The following TPCN1 variants were observed in gnomAD, a reference collection of about 807,000 sequenced individuals.
TPCN1 encodes two pore channel protein 1.
In TPCN1, 52 loss-of-function variants were observed where a neutral mutation model predicts 108.8. The ratio of observed to expected loss-of-function variants is 0.48; its 90% CI spans 0.38 to 0.60. TPCN1 has a LOEUF of 0.60. TPCN1 is among the 20% of genes least tolerant of loss of function. The probability of loss-of-function intolerance (pLI) is 0.00; values close to 1 mark genes in which losing one functional copy is unlikely to be tolerated. For synonymous variants in TPCN1, 446 were observed against 433.7 expected (o/e 1.03, Z -0.35); for missense variants, 806 against 1,072.8 (o/e 0.75, Z 3.47).
In TPCN1 at chr12:113,285,950, C is replaced by G; in HGVS notation, c.1515C>G (p.Ser505=). ...AGLGPVEYLS[S]GWNLFDFSVT... ...TGGGCCCTGTGGAGTACTTGTCTTC[C>G]GGATGGAACTTGTGAGTGGACAGCA... is the stretch of plus-strand genomic sequence containing the variant. Residue 505 remains serine, a synonymous_variant, in exon 18 of 28, where the codon TCC becomes TCG. Transcript: ENST00000335509. 6.2e-7 allele frequency: 1 copy of G among 1,614,110 alleles called. No individual in the cohort carries two copies. The highest frequency in any genetic ancestry group is 8.5e-7 in the Non-Finnish European group (1 of 1,179,938).
chr12:113,272,523 T>G lies in TPCN1; in HGVS notation c.749-135T>G, dbSNP rs535474742. 2.3e-5 allele frequency: 19 copies of G among 812,760 alleles called. No homozygotes were observed. The African/African-American group carries it at 3.0e-4, about 13-fold the overall frequency. The allele number at this position is 812,760 out of a possible 1,614,324, so 50.3% of individuals were successfully genotyped here. On this transcript the variant is annotated intron_variant, in intron 7 of 27. Transcript: ENST00000335509. The surrounding 1 kb of genome is among the most constrained non-coding windows in gnomAD (Gnocchi z 4.1). ...AACAGAGCATGTGTTCTCAGGGTGC[T>G]GTGGTCCCCAGCAGTCCCTGCTGCT... is the stretch of plus-strand genomic sequence containing the variant.
At chr12:113,295,820 C>T (rs1315566436) in intron 27 of TPCN1, 140 bp from the exon 28 acceptor site, 12 of 895,152 alleles carry the variant, frequency 1.3e-5, no homozygotes, top group East Asian at 5.5e-5. Context: ...GGGCCTGTGA[C>T]GGGGGTTTCA....
chr12:113,293,421 C>T (rs1335143794), intron 27 of TPCN1, 72 bp downstream of exon 27: 2 of 1,418,140 alleles, frequency 1.4e-6, no homozygotes, highest in African/African-American at 1.4e-5. Flanking sequence ...GAGCTGCTCT[C>T]TGGCCCTCTG....
Position 113,272,541 on chromosome 12 carries a change from C to G in TPCN1, c.749-117C>G. On this transcript the variant is annotated intron_variant, in intron 7 of 27. Coordinates refer to ENST00000335509, the MANE Select transcript of TPCN1 (RefSeq NM_017901.6). The surrounding 1 kb of genome is among the most constrained non-coding windows in gnomAD (Gnocchi z 4.1). ...AGGGTGCTGTGGTCCCCAGCAGTCC[C>G]TGCTGCTCTTCCTGACCTGCTGCGT... 5.2e-6 allele frequency: 5 copies of G among 954,386 alleles called. No homozygotes were observed. The highest frequency in any genetic ancestry group is 8.6e-6 in the Non-Finnish European group (5 of 581,702). 59.1% of individuals were successfully genotyped at this position (954,386 alleles called of 1,614,324 possible). A position where few individuals can be genotyped will look rare whatever the true frequency, so the allele number is the denominator to read the frequency against.
At position 113,266,417 on chromosome 12, in the gene TPCN1, G is replaced by A; in HGVS notation, c.414+61G>A. On this transcript the variant is annotated intron_variant, in intron 4 of 27. Coordinates refer to ENST00000335509, the MANE Select transcript of TPCN1 (RefSeq NM_017901.6). This position sits in a 1 kb window ranked among gnomAD's most constrained non-coding sequence, Gnocchi z 4.2. Reference sequence around the variant, plus strand: ...GCCACGGCTTTCAGGGCAAGCGATGGAACTCCAAAAAGGAACATTCTGGGA... The same window carrying A: ...GCCACGGCTTTCAGGGCAAGCGATGAAACTCCAAAAAGGAACATTCTGGGA... 6.3e-7 allele frequency: 1 copy of A among 1,577,828 alleles called. No homozygotes were observed. Among genetic ancestry groups the A allele is most frequent in the Admixed American group, 1.7e-5 (1 of 57,722 alleles).
At chr12:113,223,512 A>G (rs1953348345) in intron 1 of TPCN1, among the ~76,000 whole-genome samples, 1 of 146,442 alleles carries the variant, frequency 6.8e-6, no homozygotes. Flanking sequence ...GCTAGCTCGG[A>G]GTGTTTTACT....
At chr12:113,260,964 C>T (rs1360216853) in intron 3 of TPCN1, among the ~76,000 whole-genome samples, 2 of 151,964 alleles carry the variant, frequency 1.3e-5, no homozygotes, top group Non-Finnish European at 2.9e-5. Context: ...AGGCCAAGGC[C>T]TGCAGATCAC....
At chr12:113,275,654 C>T (rs1446878327) in intron 10 of TPCN1, among the ~76,000 whole-genome samples, 2 of 151,472 alleles carry the variant, frequency 1.3e-5, no homozygotes, top group African/African-American at 4.9e-5. Context: ...CTCACTACAA[C>T]CTCCGCCTCC....
Position 113,291,922 on chromosome 12 carries a change from C to T in TPCN1, c.2077C>T (p.Arg693Ter), listed in dbSNP as rs1956283506. Residue 693 changes from arginine (R) to a stop codon, truncating the protein, a stop_gained, in exon 25 of 28, where the codon CGA becomes TGA. Coordinates refer to ENST00000335509, the MANE Select transcript of TPCN1 (RefSeq NM_017901.6). LOFTEE classifies it high-confidence loss of function. ...CTTTATCCTCGAGGCCTTCGTCTTC[C>T]GAATGAACTACAGCCGCAAGAACCA... The part of the protein sequence containing the change: ...VAFILEAFVF[R>*]MNYSRKNQDS... 3.1e-6 allele frequency: 5 copies of T among 1,613,952 alleles called. No individual in the cohort carries two copies. Among genetic ancestry groups the T allele is most frequent in the Admixed American group, 1.7e-5 (1 of 59,994 alleles).
At chr12:113,241,563 C>T (rs1954126290) in intron 2 of TPCN1, among the ~76,000 whole-genome samples, 1 of 152,218 alleles carries the variant, frequency 6.6e-6, no homozygotes, top group Admixed American at 6.5e-5. Flanking sequence ...TTTCTGCTGA[C>T]CTCTTGCAGG....
rs1163708389 is a variant in TPCN1, at chr12:113,266,064, G to C, written c.238-116G>C. On this transcript the variant is annotated intron_variant, in intron 3 of 27. Coordinates refer to ENST00000335509, the MANE Select transcript of TPCN1 (RefSeq NM_017901.6). The surrounding 1 kb of genome is among the most constrained non-coding windows in gnomAD (Gnocchi z 4.2). ...TGATTTTCCAGCATCTTCTGTCTCT[G>C]GCCTGAATCTCTCCTCGCCTGCCTG... The C allele has an allele frequency of 9.0e-7, 1 of 1,116,952 alleles. No individual in the cohort carries two copies. The highest frequency in any genetic ancestry group is 1.3e-6 in the Non-Finnish European group (1 of 770,498). The allele number at this position is 1,116,952 out of a possible 1,614,324, so 69.2% of individuals were successfully genotyped here. A position where few individuals can be genotyped will look rare whatever the true frequency, so the allele number is the denominator to read the frequency against.
At position 113,226,946 on chromosome 12, in the gene TPCN1, G is replaced by T; in HGVS notation, c.94G>T (p.Glu32Ter). ...GGCTCCCTCCAACGGCCTGGGCCAA[G>T]AAGAGCTACCTAGCAAAAGTAAGAT... Reference protein sequence around the residue: ...PLAPSNGLGQEELPSKNGGSY... With the variant: ...PLAPSNGLGQ The change falls in exon 2 of 28, where the codon GAA becomes TAA. Residue 32 changes from glutamate (E) to a stop codon, truncating the protein, a stop_gained. Transcript: ENST00000335509. LOFTEE classifies it high-confidence loss of function. 1 of 1,613,690 alleles carries T rather than the reference G, an allele frequency of 6.2e-7. No individual in the cohort carries two copies. Among genetic ancestry groups the T allele is most frequent in the Non-Finnish European group, 8.5e-7 (1 of 1,179,906 alleles).
Position 113,286,545 on chromosome 12 carries a change from G to A in TPCN1, c.1527-442G>A, listed in dbSNP as rs796091173. Among the ~76,000 whole-genome samples, 17 of 138,150 alleles carry A rather than the reference G, an allele frequency of 1.2e-4. 1 individual carries two copies. Among genetic ancestry groups the A allele is most frequent in the African/African-American group, 4.2e-4 (16 of 38,048 alleles). The allele number at this position is 138,150 out of a possible 152,430, so 90.6% of individuals were successfully genotyped here. On this transcript the variant is annotated intron_variant, in intron 18 of 27. Transcript: ENST00000335509. ...TTGGGGCAGGGCGAGCTGTTCTCCCGATGGGAATCTCACTGGAAGGGCCTG... is the reference window on the plus strand; with the variant it reads ...TTGGGGCAGGGCGAGCTGTTCTCCCAATGGGAATCTCACTGGAAGGGCCTG...
intron 27 of TPCN1, among the ~76,000 whole-genome samples, chr12:113,294,424 C>T (rs921567008): frequency 2.0e-5 from 3 of 151,984 alleles, no homozygotes; most frequent in South Asian, 2.1e-4. Context: ...GCCAGGAGCT[C>T]GAGACCAGCC....
intron 18 of TPCN1, among the ~76,000 whole-genome samples, chr12:113,286,477 G>A (rs974710846): frequency 3.1e-5 from 4 of 128,718 alleles, no homozygotes; most frequent in Admixed American, 7.6e-5. Context: ...CCGACAGCAC[G>A]TGTGTGCCCT....
chr12:113,273,211 C>T lies in TPCN1; in HGVS notation c.784-21C>T. The T allele has an allele frequency of 6.2e-7, 1 of 1,613,966 alleles. No individual in the cohort carries two copies. The highest frequency in any genetic ancestry group is 8.5e-7 in the Non-Finnish European group (1 of 1,179,790). On this transcript the variant is annotated intron_variant, in intron 8 of 27. Coordinates refer to ENST00000335509, the MANE Select transcript of TPCN1 (RefSeq NM_017901.6). This position sits in a 1 kb window ranked among gnomAD's most constrained non-coding sequence, Gnocchi z 4.0. ...GTGCTCTTGGCTGGTCCCGACTTCT[C>T]TGCCCTCTCTTCCCTTGCAGTACTT...
Position 113,293,292 on chromosome 12 carries a change from A to G in TPCN1, c.2277A>G (p.Gly759=), listed in dbSNP as rs763181993. 1.2e-6 allele frequency: 2 copies of G among 1,613,970 alleles called. No individual in the cohort carries two copies. The highest frequency in any genetic ancestry group is 1.7e-6 in the Non-Finnish European group (2 of 1,180,000). ...AGCAACATTCCATGGTGTTTCTGGG[A>G]CGGCGATCAAGGACCAAGAGCGACC... The part of the protein sequence containing the change: ...RYQQHSMVFL[G]RRSRTKSDLS... Residue 759 remains glycine (G), a synonymous_variant, in exon 27 of 28, where the codon GGA becomes GGG. Transcript: ENST00000335509.
chr12:113,287,530 G>C (rs115643187), intron 19 of TPCN1: 2,314 of 167,588 alleles, frequency 0.014, 56 homozygotes, highest in African/African-American at 0.052. Context: ...GAAAGTCCCA[G>C]ACGAGCCTGC....
At position 113,286,388 on chromosome 12, in the gene TPCN1, C is replaced by T. The variant is rs184176373; in HGVS notation, c.1526+427C>T. ...CCCTGCCCTGTTCAAGTTAACCGGCCTGTGAAGTCAGGCTGCACTCATGAG... is the reference window on the plus strand; with the variant it reads ...CCCTGCCCTGTTCAAGTTAACCGGCTTGTGAAGTCAGGCTGCACTCATGAG... On this transcript the variant is annotated intron_variant, in intron 18 of 27. Coordinates refer to ENST00000335509, the MANE Select transcript of TPCN1 (RefSeq NM_017901.6). Among the ~76,000 whole-genome samples the T allele has an allele frequency of 5.3e-5, 8 of 152,360 alleles. No homozygotes were observed. In the South Asian group the frequency reaches 1.0e-3, roughly 20 times the overall value.
Sources: allele counts gnomAD v4.1 joint callset (sites outside exome capture counted in the v4.1 genomes callset), GRCh38; gene constraint gnomAD v4.1.1; non-coding constraint Gnocchi (gnomAD v3.1); transcripts MANE v1.5; gene names NCBI Gene and HGNC (gene_info 2026-07-23, HGNC 2026-07-21).